Variants in AGPAT4 observed in about 807,000 individuals in gnomAD.
AGPAT4 encodes the protein 1-acyl-sn-glycerol-3-phosphate acyltransferase delta.
Under a neutral mutation model 48.0 loss-of-function variants are expected in AGPAT4, and 15 were observed. The ratio of observed to expected loss-of-function variants is 0.31; its 90% CI spans 0.21 to 0.48. The LOEUF is 0.48. Ranked by LOEUF, AGPAT4 falls within the 20% of genes least tolerant of loss-of-function variation. The pLI is 0.99. For synonymous variants in AGPAT4, 178 were observed against 198.7 expected (o/e 0.90, Z 0.88); for missense variants, 314 against 482.5 (o/e 0.65, Z 3.27).
chr6:161,199,620 G>A (rs183563597), intron 2 of AGPAT4, among the ~76,000 whole-genome samples: 1 of 152,304 alleles, frequency 6.6e-6, no homozygotes, highest in East Asian at 1.9e-4. Flanking sequence ...CCAATGTTGG[G>A]GGAGGGGCCG....
rs536834121 is a variant in AGPAT4, at chr6:161,196,053, A to G, written c.179-29636T>C. ...AAGGTGCCAGGACTTTAGGATTTGCATAACTTAATGAGGCTTAATGACCCA... is the reference window on the plus strand; with the variant it reads ...AAGGTGCCAGGACTTTAGGATTTGCGTAACTTAATGAGGCTTAATGACCCA... On this transcript the variant is annotated intron_variant, in intron 2 of 8. Coordinates refer to ENST00000320285, the MANE Select transcript of AGPAT4 (RefSeq NM_020133.3). This position sits in a 1 kb window ranked among gnomAD's most constrained non-coding sequence, Gnocchi z 4.3. 1.1e-4 allele frequency among the ~76,000 whole-genome samples: 17 copies of G among 152,338 alleles called. No homozygotes were observed. The highest frequency in any genetic ancestry group is 2.6e-4 in the Admixed American group (4 of 15,310).
chr6:161,187,220 G>A (rs76779653), intron 2 of AGPAT4, among the ~76,000 whole-genome samples: 7,544 of 152,210 alleles, frequency 0.05, 255 homozygotes, highest in Non-Finnish European at 0.078. Context: ...CTCTTGCTCC[G>A]CCTTCCATAC....
In AGPAT4 at chr6:161,177,952, G is replaced by T. The variant is rs1486831544; in HGVS notation, c.179-11535C>A. ...GTTTATCTGGGTATCACCAGTGGAG[G>T]CTGCAGAACAGCAAATATTACAGAA... On this transcript the variant is annotated intron_variant, in intron 2 of 8. Transcript: ENST00000320285. The surrounding 1 kb of genome is among the most constrained non-coding windows in gnomAD (Gnocchi z 5.0). Among the ~76,000 whole-genome samples the T allele has an allele frequency of 2.6e-5, 4 of 152,202 alleles. No individual in the cohort carries two copies. The highest frequency in any genetic ancestry group is 9.7e-5 in the African/African-American group (4 of 41,450).
intron 1 of AGPAT4, among the ~76,000 whole-genome samples, chr6:161,273,327 T>G (rs1266424990): frequency 1.3e-5 from 2 of 151,684 alleles, no homozygotes; most frequent in Non-Finnish European, 2.9e-5. Context: ...CCACCCCTCC[T>G]GTGATAGGGA....
In AGPAT4 at chr6:161,261,266, G is replaced by A. The variant is rs765727779; in HGVS notation, c.-90+12672C>T. Among the ~76,000 whole-genome samples the A allele has an allele frequency of 5.5e-4, 84 of 152,184 alleles. No homozygotes were observed. Among genetic ancestry groups the A allele is most frequent in the Non-Finnish European group, 8.8e-4 (60 of 68,046 alleles). The stretch of plus-strand genomic sequence containing the variant: ...CACAGAATGTGGCCACTTACTGACT[G>A]CACGAGTCCATGAGACAAACAACAG... On this transcript the variant is annotated intron_variant, in intron 1 of 8. Coordinates refer to ENST00000320285, the MANE Select transcript of AGPAT4 (RefSeq NM_020133.3). The surrounding 1 kb of genome is among the most constrained non-coding windows in gnomAD (Gnocchi z 5.3).
chr6:161,191,752 T>C (rs1249286424), intron 2 of AGPAT4, among the ~76,000 whole-genome samples: 3 of 152,242 alleles, frequency 2.0e-5, no homozygotes, highest in Admixed American at 6.5e-5. Context: ...GTTGGGAGAC[T>C]GTCTCTACAC....
chr6:161,180,724 G>C lies in AGPAT4; in HGVS notation c.179-14307C>G, dbSNP rs1780558463. Among the ~76,000 whole-genome samples the C allele has an allele frequency of 6.6e-6, 1 of 152,134 alleles. No individual in the cohort carries two copies. Among genetic ancestry groups the C allele is most frequent in the Non-Finnish European group, 1.5e-5 (1 of 68,022 alleles). On this transcript the variant is annotated intron_variant, in intron 2 of 8. Transcript: ENST00000320285. The surrounding 1 kb of genome is among the most constrained non-coding windows in gnomAD (Gnocchi z 6.4). Reference sequence around the variant, plus strand: ...CATTCTTCCCTGTAGCGGTGCTGGAGGGCCGGGTCTCTCTCCTGGCATCAT... The same window carrying C: ...CATTCTTCCCTGTAGCGGTGCTGGACGGCCGGGTCTCTCTCCTGGCATCAT...
chr6:161,261,269 C>T lies in AGPAT4; in HGVS notation c.-90+12669G>A, dbSNP rs183852242. Among the ~76,000 whole-genome samples, 10 of 152,268 alleles carry T rather than the reference C, an allele frequency of 6.6e-5. No individual in the cohort carries two copies. Among genetic ancestry groups the T allele is most frequent in the Admixed American group, 5.2e-4 (8 of 15,256 alleles). On this transcript the variant is annotated intron_variant, in intron 1 of 8. Transcript: ENST00000320285. The surrounding 1 kb of genome is among the most constrained non-coding windows in gnomAD (Gnocchi z 5.3). ...AGAATGTGGCCACTTACTGACTGCA[C>T]GAGTCCATGAGACAAACAACAGAAA...
In AGPAT4 at chr6:161,165,946, T is replaced by C. The variant is rs557340940; in HGVS notation, c.348+302A>G. The C allele has an allele frequency of 1.0e-5, 6 of 601,590 alleles. No homozygotes were observed. In the East Asian group the frequency reaches 1.1e-4, roughly 11 times the overall value. The allele number at this position is 601,590 out of a possible 1,614,324, so 37.3% of individuals were successfully genotyped here. A position where few individuals can be genotyped will look rare whatever the true frequency, so the allele number is the denominator to read the frequency against. On this transcript the variant is annotated intron_variant, in intron 3 of 8. Transcript: ENST00000320285. This position sits in a 1 kb window ranked among gnomAD's most constrained non-coding sequence, Gnocchi z 5.5. The stretch of plus-strand genomic sequence containing the variant: ...AGCCGAATATTAAGCTCTATATAAC[T>C]TAGTTTTTAAAAAATGGAGTGTGGC...
chr6:161,207,038 T>C (rs532332212), intron 2 of AGPAT4, among the ~76,000 whole-genome samples: 8 of 152,334 alleles, frequency 5.3e-5, no homozygotes, highest in African/African-American at 1.7e-4. Flanking sequence ...ATGGACTTCC[T>C]GGTTTCCTTG....
chr6:161,173,184 T>C (rs575147344), intron 2 of AGPAT4, among the ~76,000 whole-genome samples: 2 of 152,198 alleles, frequency 1.3e-5, no homozygotes, highest in African/African-American at 4.8e-5. Context: ...GGGTCAAATG[T>C]TATTTCTAGT....
intron 2 of AGPAT4, among the ~76,000 whole-genome samples, chr6:161,211,624 A>ATT (rs1276636692): frequency 6.6e-6 from 1 of 152,170 alleles, no homozygotes; most frequent in South Asian, 2.1e-4. Flanking sequence ...ATAAAAAGAG[A>ATT]TTTTTAAAAA....
chr6:161,150,391 A>G (rs960077653), intron 5 of AGPAT4, among the ~76,000 whole-genome samples: 1 of 152,218 alleles, frequency 6.6e-6, no homozygotes, highest in Non-Finnish European at 1.5e-5. Context: ...CACTTACTGC[A>G]GGGACCAGCA....
In AGPAT4 at chr6:161,265,417, G is replaced by A. The variant is rs554304931; in HGVS notation, c.-90+8521C>T. On this transcript the variant is annotated intron_variant, in intron 1 of 8. Coordinates refer to ENST00000320285, the MANE Select transcript of AGPAT4 (RefSeq NM_020133.3). ...ACTGGGTGCTGGATTAGTACCCACC[G>A]CTGGACTGGGTGCTGACTAGTACCC... Among the ~76,000 whole-genome samples, 305 of 146,328 alleles carry A rather than the reference G, an allele frequency of 2.1e-3. 2 individuals are homozygous for A. Among genetic ancestry groups the A allele is most frequent in the African/African-American group, 5.5e-3 (215 of 39,374 alleles).
rs1166009689 is a variant in AGPAT4, at chr6:161,197,943, C to A, written c.179-31526G>T. 6.6e-6 allele frequency among the ~76,000 whole-genome samples: 1 copy of A among 152,230 alleles called. No individual in the cohort carries two copies. Among genetic ancestry groups the A allele is most frequent in the East Asian group, 1.9e-4 (1 of 5,202 alleles). On this transcript the variant is annotated intron_variant, in intron 2 of 8. Transcript: ENST00000320285. The surrounding 1 kb of genome is among the most constrained non-coding windows in gnomAD (Gnocchi z 5.7). ...GTAGGGTTTACCCAGACAATTCGGG[C>A]TGGCAACTTGTTGGTTCTATTTTAA... is the stretch of plus-strand genomic sequence containing the variant.
chr6:161,187,415 G>A (rs1260719047), intron 2 of AGPAT4, among the ~76,000 whole-genome samples: 2 of 152,156 alleles, frequency 1.3e-5, no homozygotes, highest in East Asian at 3.9e-4. Flanking sequence ...AACAGTATGG[G>A]TGACAGCAGC....
chr6:161,242,062 C>T lies in AGPAT4; in HGVS notation c.-89-9760G>A, dbSNP rs1477231122. 6.6e-6 allele frequency among the ~76,000 whole-genome samples: 1 copy of T among 152,164 alleles called. No homozygotes were observed. The highest frequency in any genetic ancestry group is 2.4e-5 in the African/African-American group (1 of 41,434). ...ATGTTTACAGTTAAACATCATAGGG[C>T]TTCTGAATCATAACCAGTGCAGCAG... On this transcript the variant is annotated intron_variant, in intron 1 of 8. Transcript: ENST00000320285. This position sits in a 1 kb window ranked among gnomAD's most constrained non-coding sequence, Gnocchi z 5.0.
At position 161,222,363 on chromosome 6, in the gene AGPAT4, A is replaced by G. The variant is rs1445480460; in HGVS notation, c.178+9673T>C. Among the ~76,000 whole-genome samples, 1 of 152,156 alleles carries G rather than the reference A, an allele frequency of 6.6e-6. No individual in the cohort carries two copies. Among genetic ancestry groups the G allele is most frequent in the East Asian group, 1.9e-4 (1 of 5,200 alleles). On this transcript the variant is annotated intron_variant, in intron 2 of 8. Coordinates refer to ENST00000320285, the MANE Select transcript of AGPAT4 (RefSeq NM_020133.3). This position sits in a 1 kb window ranked among gnomAD's most constrained non-coding sequence, Gnocchi z 5.9. Reference sequence around the variant, plus strand: ...TCATTGTGTAAAATATAAGACATCCAGATAATAAGACAATTTTCTAAAATC... The same window carrying G: ...TCATTGTGTAAAATATAAGACATCCGGATAATAAGACAATTTTCTAAAATC...
intron 2 of AGPAT4, among the ~76,000 whole-genome samples, chr6:161,191,090 A>G (rs1780910488): frequency 1.3e-5 from 2 of 152,244 alleles, no homozygotes; most frequent in African/African-American, 4.8e-5. Flanking sequence ...ATTTGATTCC[A>G]AATATAATAA....
Sources: allele counts gnomAD v4.1 joint callset (sites outside exome capture counted in the v4.1 genomes callset), GRCh38; gene constraint gnomAD v4.1.1; non-coding constraint Gnocchi (gnomAD v3.1); transcripts MANE v1.5; gene names NCBI Gene and HGNC (gene_info 2026-07-23, HGNC 2026-07-21).